The following DCC variants were observed in gnomAD, a reference collection of about 807,000 sequenced individuals.
DCC encodes netrin receptor DCC.
Under a neutral mutation model 172.5 loss-of-function variants are expected in DCC, and 58 were observed. The ratio of observed to expected loss-of-function variants is 0.34; its 90% CI spans 0.27 to 0.42. The LOEUF is 0.42. Ranked by LOEUF, DCC falls within the 10% of genes least tolerant of loss-of-function variation. DCC has a pLI of 1.00. For synonymous variants in DCC, 709 were observed against 644.5 expected (o/e 1.10, Z -1.52); for missense variants, 1,740 against 1,791.0 (o/e 0.97, Z 0.51).
At chr18:53,077,117 C>A (rs1231869838) in intron 7 of DCC, among the ~76,000 whole-genome samples, 1 of 151,970 alleles carries the variant, frequency 6.6e-6, no homozygotes, top group East Asian at 1.9e-4. Flanking sequence ...TTCCTGTGGG[C>A]CTATCAACAT....
intron 9 of DCC, among the ~76,000 whole-genome samples, chr18:53,185,360 C>T (rs1330160707): frequency 6.6e-6 from 1 of 152,068 alleles, no homozygotes; most frequent in Non-Finnish European, 1.5e-5. Context: ...TCACTGTGTT[C>T]TTTCTTCATT....
intron 2 of DCC, among the ~76,000 whole-genome samples, chr18:52,769,390 T>C (rs1294084145): frequency 1.3e-5 from 2 of 152,198 alleles, no homozygotes; most frequent in Admixed American, 6.5e-5. Flanking sequence ...GTCAGATATA[T>C]GTGCAGGTCT....
At chr18:52,930,429 C>T (rs2040290837) in intron 5 of DCC, among the ~76,000 whole-genome samples, 1 of 151,898 alleles carries the variant, frequency 6.6e-6, no homozygotes, top group Non-Finnish European at 1.5e-5. Flanking sequence ...CCTGTATCTA[C>T]AAAAACAAAA....
intron 8 of DCC, among the ~76,000 whole-genome samples, chr18:53,177,674 C>T (rs1198949077): frequency 1.3e-5 from 2 of 152,206 alleles, no homozygotes; most frequent in Admixed American, 1.3e-4. Flanking sequence ...TGGTGAATTA[C>T]CCATGTGCAG....
chr18:52,454,324 A>G (rs1301080812), intron 1 of DCC, among the ~76,000 whole-genome samples: 1 of 152,186 alleles, frequency 6.6e-6, no homozygotes, highest in Non-Finnish European at 1.5e-5. Context: ...GAGAACACAC[A>G]TGACTTAGTG....
At chr18:52,963,615 G>A (rs2040881728) in intron 5 of DCC, among the ~76,000 whole-genome samples, 2 of 152,048 alleles carry the variant, frequency 1.3e-5, no homozygotes, top group Admixed American at 1.3e-4. Context: ...GTGGGAAGGT[G>A]TTGTGGAGGC....
chr18:53,110,585 G>A (rs889470261), intron 7 of DCC, among the ~76,000 whole-genome samples: 29 of 151,536 alleles, frequency 1.9e-4, no homozygotes, highest in African/African-American at 2.7e-4. Flanking sequence ...AAAATTGGGC[G>A]AAGGACATGA....
intron 13 of DCC, among the ~76,000 whole-genome samples, chr18:53,306,857 GC>G (rs745593536): frequency 9.9e-5 from 15 of 152,174 alleles, no homozygotes; most frequent in Non-Finnish European, 2.1e-4. Context: ...ATGAAGTTGA[GC>G]GACTCTGAAG....
chr18:53,332,560 C>A (rs1037662070), intron 14 of DCC, among the ~76,000 whole-genome samples: 2 of 151,884 alleles, frequency 1.3e-5, no homozygotes, highest in Non-Finnish European at 2.9e-5. Flanking sequence ...AAGAATAAAA[C>A]CTATATGGTT....
chr18:52,416,019 A>C (rs934515068), intron 1 of DCC, among the ~76,000 whole-genome samples: 3 of 151,550 alleles, frequency 2.0e-5, no homozygotes, highest in Non-Finnish European at 4.4e-5. Context: ...TAGTGCTATA[A>C]ATTTCCCTCT....
chr18:53,021,859 GTTGGTTAATGGCTGCAT>G (rs1460422972), intron 5 of DCC, among the ~76,000 whole-genome samples: 2 of 152,218 alleles, frequency 1.3e-5, no homozygotes, highest in Non-Finnish European at 2.9e-5. Flanking sequence ...AAAGCAAGCA[GTTGGTTAATGGCTGCAT>G]TTGGTTTTAT....
rs991728371 is a variant in DCC at position 53,385,986 on chromosome 18, G to C, written c.2360-57G>C. 5 of 1,156,454 alleles carry C rather than the reference G, an allele frequency of 4.3e-6. No homozygotes were observed. The African/African-American group carries it at 6.1e-5, about 14-fold the overall frequency. 71.6% of individuals were successfully genotyped at this position (1,156,454 alleles called of 1,614,324 possible). ...GTTTTGAGGAAAATGTTTGCCTTGA[G>C]TATTTTGATACATTAAATATATCAA... On this transcript the variant is annotated intron_variant, in intron 15 of 28. Transcript: ENST00000442544.
At chr18:53,390,841 T>C (rs1908502103) in intron 16 of DCC, among the ~76,000 whole-genome samples, 1 of 152,194 alleles carries the variant, frequency 6.6e-6, no homozygotes, top group African/African-American at 2.4e-5. Flanking sequence ...TGCCATCCAA[T>C]AATATAAAAT....
intron 1 of DCC, among the ~76,000 whole-genome samples, chr18:52,409,550 T>C (rs987794654): frequency 1.1e-4 from 17 of 152,184 alleles, no homozygotes; most frequent in African/African-American, 4.1e-4. Flanking sequence ...GCCAGCGGCC[T>C]GGGTCCATGT....
chr18:53,245,051 A>G (rs2056349269), intron 12 of DCC, among the ~76,000 whole-genome samples: 1 of 152,076 alleles, frequency 6.6e-6, no homozygotes, highest in African/African-American at 2.4e-5. Flanking sequence ...CCTCAGTTTC[A>G]TGAGAAAATG....
chr18:52,936,057 G>GT (rs1415520667), intron 5 of DCC, among the ~76,000 whole-genome samples: 2 of 152,076 alleles, frequency 1.3e-5, no homozygotes, highest in Non-Finnish European at 2.9e-5. Context: ...AGTTAAGAGA[G>GT]TTTTTGTATG....
chr18:53,171,721 A>G (rs866929660), intron 8 of DCC, among the ~76,000 whole-genome samples: 1 of 152,148 alleles, frequency 6.6e-6, no homozygotes, highest in Non-Finnish European at 1.5e-5. Context: ...AGCAAAAGAC[A>G]TAAACAGATA....
intron 7 of DCC, among the ~76,000 whole-genome samples, chr18:53,112,588 A>C (rs2043348400): frequency 6.6e-6 from 1 of 151,536 alleles, no homozygotes; most frequent in Non-Finnish European, 1.5e-5. Context: ...TATGAGAGTA[A>C]TCCATAAGCT....
intron 5 of DCC, among the ~76,000 whole-genome samples, chr18:53,028,799 G>T (rs141538535): frequency 2.0e-5 from 3 of 152,066 alleles, no homozygotes; most frequent in African/African-American, 7.2e-5. Flanking sequence ...TGATTGCAAC[G>T]TATGACCATG....
Sources: allele counts gnomAD v4.1 joint callset (sites outside exome capture counted in the v4.1 genomes callset), GRCh38; gene constraint gnomAD v4.1.1; transcripts MANE v1.5; gene names NCBI Gene and HGNC (gene_info 2026-07-23, HGNC 2026-07-21).